The following ZNF892 variants were observed in gnomAD, a reference collection of about 807,000 sequenced individuals.
ZNF892 encodes the protein zinc finger protein 892, also known as zinc finger protein 570-like.
At chr2:95,221,643 T>C in the ZNF892 span, among the ~76,000 whole-genome samples, 1 of 152,192 alleles carries the variant, frequency 6.6e-6, no homozygotes. Context: ...GTTTAAAATA[T>C]TTTTATTTTC....
the ZNF892 span, among the ~76,000 whole-genome samples, chr2:95,241,220 C>G: frequency 6.6e-6 from 1 of 152,194 alleles, no homozygotes; most frequent in Admixed American, 6.5e-5. Flanking sequence ...GTGAAACCCC[C>G]CCAACAAGCA....
chr2:95,247,134 A>T, the ZNF892 span, among the ~76,000 whole-genome samples: 1 of 152,246 alleles, frequency 6.6e-6, no homozygotes. Context: ...TAACCAAAAC[A>T]GTATGATACT....
the ZNF892 span, chr2:95,207,606 G>C: frequency 5.1e-6 from 2 of 389,638 alleles, no homozygotes; most frequent in Non-Finnish European, 9.1e-6. Flanking sequence ...CTCAGTGTGT[G>C]GCTGGAGGTC....
the ZNF892 span, chr2:95,207,666 C>T: frequency 1.2e-4 from 46 of 396,164 alleles, 1 homozygote; most frequent in East Asian, 1.6e-3. Flanking sequence ...ATCTGAGTGT[C>T]CGGGAGGAGG....
At chr2:95,214,546 C>T in the ZNF892 span, 3 of 398,492 alleles carry the variant, frequency 7.5e-6, no homozygotes, top group Non-Finnish European at 1.3e-5. Context: ...AGCTACCAAT[C>T]TGATGAATTT....
At chr2:95,223,758 A>G in the ZNF892 span, among the ~76,000 whole-genome samples, 6 of 152,350 alleles carry the variant, frequency 3.9e-5, no homozygotes, top group East Asian at 1.9e-4. Flanking sequence ...AAAATGTACA[A>G]TTCAGTGCAC....
chr2:95,209,494 A>G, the ZNF892 span, among the ~76,000 whole-genome samples: 3 of 152,344 alleles, frequency 2.0e-5, no homozygotes, highest in East Asian at 3.9e-4. Context: ...GAGGATTAGT[A>G]AAGATGCTTC....
the ZNF892 span, among the ~76,000 whole-genome samples, chr2:95,261,895 C>T: frequency 7.9e-5 from 12 of 152,170 alleles, no homozygotes; most frequent in Non-Finnish European, 1.2e-4. Flanking sequence ...GAATGGGCCC[C>T]GTGCAGGCAT....
chr2:95,257,959 C>T, the ZNF892 span, among the ~76,000 whole-genome samples: 1,614 of 152,248 alleles, frequency 0.011, 13 homozygotes, highest in Middle Eastern at 0.02. Context: ...TTCCAGGTGC[C>T]GTCTGTCACC....
chr2:95,260,775 C>T, the ZNF892 span, among the ~76,000 whole-genome samples: 5 of 152,302 alleles, frequency 3.3e-5, no homozygotes, highest in Non-Finnish European at 4.4e-5. Flanking sequence ...TGCAAGAATG[C>T]TGCTCAGGAA....
the ZNF892 span, among the ~76,000 whole-genome samples, chr2:95,250,195 C>G: frequency 1.3e-5 from 2 of 151,912 alleles, no homozygotes; most frequent in African/African-American, 2.4e-5. Flanking sequence ...GTCAAGCAAT[C>G]TATTTTTATT....
the ZNF892 span, among the ~76,000 whole-genome samples, chr2:95,242,503 T>A: frequency 1.3e-5 from 2 of 151,994 alleles, no homozygotes; most frequent in Non-Finnish European, 2.9e-5. Context: ...GCACTAAATA[T>A]GGAAAGGAAA....
At chr2:95,214,243 T>C in the ZNF892 span, 1 of 397,110 alleles carries the variant, frequency 2.5e-6, no homozygotes. Context: ...TAACAAAGAA[T>C]GAAACAAACA....
At chr2:95,241,126 C>A in the ZNF892 span, among the ~76,000 whole-genome samples, 1 of 152,206 alleles carries the variant, frequency 6.6e-6, no homozygotes, top group Non-Finnish European at 1.5e-5. Flanking sequence ...CACCCCACTG[C>A]CCCCAAAGCA....
At chr2:95,224,555 T>G in the ZNF892 span, among the ~76,000 whole-genome samples, 3 of 151,930 alleles carry the variant, frequency 2.0e-5, no homozygotes, top group Non-Finnish European at 4.4e-5. Context: ...GCCACACACT[T>G]TAAAACAACC....
At chr2:95,257,982 T>C in the ZNF892 span, among the ~76,000 whole-genome samples, 1 of 152,150 alleles carries the variant, frequency 6.6e-6, no homozygotes, top group African/African-American at 2.4e-5. Context: ...TTTCCTTGGC[T>C]AGGAAAGGGA....
At chr2:95,243,506 C>T in the ZNF892 span, among the ~76,000 whole-genome samples, 2 of 151,764 alleles carry the variant, frequency 1.3e-5, no homozygotes, top group East Asian at 1.9e-4. Context: ...CCTGCCGCCC[C>T]GTCCGGGATG....
chr2:95,224,796 T>A, the ZNF892 span, among the ~76,000 whole-genome samples: 1 of 152,070 alleles, frequency 6.6e-6, no homozygotes, highest in African/African-American at 2.4e-5. Context: ...TAATGGGAGG[T>A]CAATGGATTA....
At chr2:95,245,461 G>GGGCA in the ZNF892 span, among the ~76,000 whole-genome samples, 10 of 11,588 alleles carry the variant, frequency 8.6e-4, no homozygotes, top group African/African-American at 4.3e-3. Flanking sequence ...GGGGGGGGGG[G>GGGCA]GGTTTCACCA....
Sources: gnomAD v4.1 joint callset for allele counts (sites outside exome capture counted in the v4.1 genomes callset) on GRCh38, gnomAD v4.1.1 for gene constraint, MANE v1.5 for transcripts, NCBI Gene and HGNC (gene_info 2026-07-23, HGNC 2026-07-21) for gene names.